GTF2H5: variants seen among roughly 807,000 people sequenced by gnomAD.
The protein encoded by GTF2H5 is TFB5 ortholog.
Under a neutral mutation model 7.1 loss-of-function variants are expected in GTF2H5, and 5 were observed. That is an observed-to-expected ratio of 0.71 (90% CI 0.37 to 1.49). GTF2H5 has a LOEUF of 1.49. Among genes scored for constraint, GTF2H5 ranks in the 40% most tolerant of loss-of-function variants. GTF2H5 has a pLI of 0.03. For synonymous variants in GTF2H5, 30 were observed against 31.7 expected (o/e 0.95, Z 0.18); for missense variants, 80 against 83.0 (o/e 0.96, Z 0.14).
At chr6:158,180,378 C>T (rs4435969) in intron 2 of GTF2H5, among the ~76,000 whole-genome samples, 58,156 of 151,960 alleles carry the variant, frequency 0.38, 12,602 homozygotes, top group African/African-American at 0.57. Flanking sequence ...AGGACAATGC[C>T]GGCCTCAAAA....
In GTF2H5 at chr6:158,198,291, G is replaced by A. The variant is rs1182308468; in HGVS notation, c.*6134G>A. ...CTCTACCAGGAAAGTTGTCTGGAGG[G>A]TTAACATTTCTGAAACCATTTTTAT... On this transcript the variant is annotated 3_prime_UTR_variant, in exon 3 of 3. Transcript: ENST00000607778. The A allele has an allele frequency of 6.6e-6, 1 of 152,196 alleles. No individual in the cohort carries two copies. 9.4% of individuals were successfully genotyped at this position (152,196 alleles called of 1,614,324 possible).
chr6:158,168,974 C>CTGT (rs1345127588), intron 1 of GTF2H5, among the ~76,000 whole-genome samples: 1 of 151,990 alleles, frequency 6.6e-6, no homozygotes, highest in Non-Finnish European at 1.5e-5. Context: ...TGGCTCACAC[C>CTGT]TGTTGTCCCA....
rs1347976720 is a variant in GTF2H5, at chr6:158,192,067, C to T, written c.126C>T (p.His42=). Residue 42 remains histidine, a synonymous_variant, in exon 3 of 3, where the codon CAC becomes CAT. Transcript: ENST00000607778. Reference sequence around the variant, plus strand: ...TCATTCAAGACATTGATGACACTCACGTCTTTGTAATAGCAGAATTGGTTA... The same window carrying T: ...TCATTCAAGACATTGATGACACTCATGTCTTTGTAATAGCAGAATTGGTTA... ...KFIIQDIDDT[H]VFVIAELVNV... 1.9e-6 allele frequency: 3 copies of T among 1,612,720 alleles called. No homozygotes were observed. Among genetic ancestry groups the T allele is most frequent in the Non-Finnish European group, 2.5e-6 (3 of 1,178,760 alleles).
chr6:158,186,747 G>A (rs1339885612), intron 2 of GTF2H5, among the ~76,000 whole-genome samples: 2 of 152,308 alleles, frequency 1.3e-5, no homozygotes, highest in African/African-American at 2.4e-5. Context: ...GGTTCAGTCT[G>A]GAAAGGCAGG....
At chr6:158,185,630 T>C (rs1334846318) in intron 2 of GTF2H5, among the ~76,000 whole-genome samples, 3 of 152,086 alleles carry the variant, frequency 2.0e-5, no homozygotes, top group Admixed American at 2.0e-4. Context: ...GCTGTCTCAT[T>C]TGTCAGTTAG....
Position 158,197,941 on chromosome 6 carries a change from A to G in GTF2H5, c.*5784A>G, listed in dbSNP as rs1777137896. On this transcript the variant is annotated 3_prime_UTR_variant, in exon 3 of 3. Coordinates refer to ENST00000607778, the MANE Select transcript of GTF2H5 (RefSeq NM_207118.3). ...AGGGATAGACTGAATGGCTGGTATC[A>G]TTGCTTGAACTTAATGGAGCTTATG... 6.6e-6 allele frequency: 1 copy of G among 152,192 alleles called. No homozygotes were observed. Among genetic ancestry groups the G allele is most frequent in the Admixed American group, 6.5e-5 (1 of 15,280 alleles). 9.4% of individuals were successfully genotyped at this position (152,192 alleles called of 1,614,324 possible).
At chr6:158,170,722 G>A (rs1395024571) in intron 2 of GTF2H5, among the ~76,000 whole-genome samples, 184 bp downstream of exon 2, 1 of 152,190 alleles carries the variant, frequency 6.6e-6, no homozygotes, top group Non-Finnish European at 1.5e-5. Flanking sequence ...CTGTTGAATT[G>A]ATGGAACTGG....
chr6:158,191,531 G>A (rs751857985), intron 2 of GTF2H5, among the ~76,000 whole-genome samples: 2 of 149,374 alleles, frequency 1.3e-5, no homozygotes, highest in Non-Finnish European at 3.0e-5. Context: ...CGCCCAGGCT[G>A]GAGTGCAGTG....
At position 158,192,261 on chromosome 6, in the gene GTF2H5, G is replaced by A. The variant is rs1583639590; in HGVS notation, c.*104G>A. The A allele has an allele frequency of 2.1e-5, 18 of 852,366 alleles. No homozygotes were observed. The East Asian group carries it at 4.6e-4, about 22-fold the overall frequency. 52.8% of individuals were successfully genotyped at this position (852,366 alleles called of 1,614,324 possible). Reference sequence around the variant, plus strand: ...TTAGACATAGAGGGTTGTTTTAGGAGCATGCCACGGGAAAGACTGAGGGAT... The same window carrying A: ...TTAGACATAGAGGGTTGTTTTAGGAACATGCCACGGGAAAGACTGAGGGAT... On this transcript the variant is annotated 3_prime_UTR_variant, in exon 3 of 3. Coordinates refer to ENST00000607778, the MANE Select transcript of GTF2H5 (RefSeq NM_207118.3).
intron 2 of GTF2H5, among the ~76,000 whole-genome samples, chr6:158,187,222 C>T (rs2128431447): frequency 6.6e-6 from 1 of 152,114 alleles, no homozygotes; most frequent in South Asian, 2.1e-4. Flanking sequence ...TCTCGAACTC[C>T]TGACCTCAGG....
At chr6:158,177,414 G>A (rs1257231048) in intron 2 of GTF2H5, among the ~76,000 whole-genome samples, 2 of 152,148 alleles carry the variant, frequency 1.3e-5, no homozygotes, top group African/African-American at 4.8e-5. Flanking sequence ...ACAAATGCAA[G>A]GGAGACAGTA....
intron 2 of GTF2H5, among the ~76,000 whole-genome samples, chr6:158,180,736 G>T (rs569831649): frequency 2.6e-5 from 4 of 151,778 alleles, no homozygotes; most frequent in African/African-American, 7.2e-5. Flanking sequence ...TTTTTATTGT[G>T]TCTGTTTGAT....
intron 2 of GTF2H5, among the ~76,000 whole-genome samples, chr6:158,171,783 T>C (rs946125569): frequency 2.0e-5 from 3 of 152,130 alleles, no homozygotes; most frequent in Non-Finnish European, 4.4e-5. Context: ...CTCAGGTTCT[T>C]GCTATTTTTA....
chr6:158,173,818 G>A (rs1358987865), intron 2 of GTF2H5, among the ~76,000 whole-genome samples: 4 of 152,138 alleles, frequency 2.6e-5, no homozygotes, highest in Admixed American at 6.5e-5. Context: ...GGAAGCAGGC[G>A]GGCCTGCTAA....
intron 2 of GTF2H5, among the ~76,000 whole-genome samples, chr6:158,188,964 G>A (rs972404015): frequency 5.4e-4 from 5 of 9,252 alleles, no homozygotes; most frequent in East Asian, 4.8e-3. Flanking sequence ...CCTACCCACC[G>A]CAATCCTTTC....
intron 2 of GTF2H5, among the ~76,000 whole-genome samples, chr6:158,186,987 G>GTGTTT (rs913435166): frequency 6.6e-6 from 1 of 150,750 alleles, no homozygotes; most frequent in Non-Finnish European, 1.5e-5. Flanking sequence ...GTTTTGTTTT[G>GTGTTT]TGTTTTGTTT....
At chr6:158,172,346 T>A (rs1251235388) in intron 2 of GTF2H5, among the ~76,000 whole-genome samples, 1 of 151,788 alleles carries the variant, frequency 6.6e-6, no homozygotes, top group Non-Finnish European at 1.5e-5. Context: ...GGAGTCTTGC[T>A]CTGTTGCCAG....
In GTF2H5 at chr6:158,193,353, A is replaced by C. The variant is rs1296381868; in HGVS notation, c.*1196A>C. 6.6e-6 allele frequency: 1 copy of C among 152,138 alleles called. No homozygotes were observed. The highest frequency in any genetic ancestry group is 1.5e-5 in the Non-Finnish European group (1 of 68,014). 9.4% of individuals were successfully genotyped at this position (152,138 alleles called of 1,614,324 possible). A position where few individuals can be genotyped will look rare whatever the true frequency, so the allele number is the denominator to read the frequency against. ...GTTCTGTGATCAATTGAAGGCAAAA[A>C]CAGTAACACTGAGAGGGGCTTTGCT... is the stretch of plus-strand genomic sequence containing the variant. On this transcript the variant is annotated 3_prime_UTR_variant, in exon 3 of 3. Coordinates refer to ENST00000607778, the MANE Select transcript of GTF2H5 (RefSeq NM_207118.3).
At chr6:158,169,787 A>ATATATAATATATTATATATTATATATTG (rs1562469576) in intron 1 of GTF2H5, among the ~76,000 whole-genome samples, 2 of 105,924 alleles carry the variant, frequency 1.9e-5, no homozygotes, top group South Asian at 2.4e-4. Flanking sequence ...ATTGTATATT[A>ATATATAATATATTATATATTATATATTG]TATATTATAT....
Sources: gnomAD v4.1 joint callset for allele counts (sites outside exome capture counted in the v4.1 genomes callset) on GRCh38, gnomAD v4.1.1 for gene constraint, MANE v1.5 for transcripts, NCBI Gene and HGNC (gene_info 2026-07-23, HGNC 2026-07-21) for gene names.